STPG2: variants seen among roughly 807,000 people sequenced by gnomAD.
The protein encoded by STPG2 is sperm tail PG-rich repeat containing 2, also known as sperm-tail PG-rich repeat-containing protein 2.
In STPG2, 56 loss-of-function variants were observed where a neutral mutation model predicts 54.2. The observed-to-expected ratio is 1.03, with a 90% CI of 0.83 to 1.29. The LOEUF (loss-of-function observed/expected upper bound fraction) is 1.29, where lower values mean the gene tolerates loss of function less well. Ranked by LOEUF, STPG2 falls within the 50% of genes most tolerant of loss-of-function variation. The probability of loss-of-function intolerance (pLI) is 0.00; values close to 1 mark genes in which losing one functional copy is unlikely to be tolerated. For synonymous variants in STPG2, 200 were observed against 181.8 expected (o/e 1.10, Z -0.81); for missense variants, 596 against 544.9 (o/e 1.09, Z -0.93).
At chr4:97,639,356 A>AG (rs1056876575) in intron 10 of STPG2, among the ~76,000 whole-genome samples, 2 of 104,752 alleles carry the variant, frequency 1.9e-5, no homozygotes, top group African/African-American at 3.7e-5. Context: ...GGGTGGGTGG[A>AG]GGGGGGAGGG....
chr4:97,832,838 C>G (rs1470411624), intron 9 of STPG2, among the ~76,000 whole-genome samples: 2 of 152,058 alleles, frequency 1.3e-5, no homozygotes, highest in Non-Finnish European at 2.9e-5. Context: ...GTACTACAAA[C>G]CACTGCTCAA....
At chr4:97,915,322 A>T (rs1012761627) in intron 8 of STPG2, among the ~76,000 whole-genome samples, 1 of 152,192 alleles carries the variant, frequency 6.6e-6, no homozygotes, top group African/African-American at 2.4e-5. Flanking sequence ...TGTTTTACCC[A>T]ATCACTGCAT....
intron 5 of STPG2, among the ~76,000 whole-genome samples, chr4:98,015,191 C>T (rs566784570): frequency 6.6e-6 from 1 of 151,912 alleles, no homozygotes; most frequent in Admixed American, 6.6e-5. Context: ...GGCAACAAAA[C>T]CCAAAATAGA....
At chr4:98,035,583 A>G (rs1230905429) in intron 5 of STPG2, among the ~76,000 whole-genome samples, 1 of 152,204 alleles carries the variant, frequency 6.6e-6, no homozygotes, top group Non-Finnish European at 1.5e-5. Flanking sequence ...TGACCCAGCA[A>G]TCCAGTTACT....
At chr4:98,072,612 A>G (rs1362975021) in intron 5 of STPG2, among the ~76,000 whole-genome samples, 1 of 148,576 alleles carries the variant, frequency 6.7e-6, no homozygotes, top group African/African-American at 2.5e-5. Flanking sequence ...ATAAAATAAA[A>G]TAAAACAAAA....
intron 3 of STPG2, among the ~76,000 whole-genome samples, chr4:98,112,822 G>T (rs28412886): frequency 0.061 from 9,228 of 151,886 alleles, 307 homozygotes; most frequent in Middle Eastern, 0.095. Context: ...CAACCAAAAG[G>T]CAAATGTAAA....
intron 9 of STPG2, among the ~76,000 whole-genome samples, chr4:97,821,322 A>G (rs547842244): frequency 9.2e-5 from 14 of 152,302 alleles, no homozygotes; most frequent in African/African-American, 3.1e-4. Context: ...AACTGCAGTA[A>G]GGAGTGGGCT....
At chr4:97,900,651 T>A (rs1022807865) in intron 8 of STPG2, among the ~76,000 whole-genome samples, 1 of 152,034 alleles carries the variant, frequency 6.6e-6, no homozygotes, top group Non-Finnish European at 1.5e-5. Flanking sequence ...AGGCCATTAT[T>A]CTTACCAAAC....
chr4:97,610,910 A>T (rs571894905), intron 10 of STPG2, among the ~76,000 whole-genome samples: 1 of 152,096 alleles, frequency 6.6e-6, no homozygotes, highest in Non-Finnish European at 1.5e-5. Context: ...CTGGAACTAC[A>T]GTAAAATAAA....
intron 10 of STPG2, among the ~76,000 whole-genome samples, chr4:97,612,175 G>C (rs544902488): frequency 5.3e-5 from 8 of 151,128 alleles, no homozygotes; most frequent in Non-Finnish European, 1.2e-4. Context: ...ATTTAAGAAT[G>C]GCATCATTAT....
chr4:97,467,509 G>A (rs1191068556), intron 4 of STPG2, among the ~76,000 whole-genome samples: 1 of 151,728 alleles, frequency 6.6e-6, no homozygotes, highest in Non-Finnish European at 1.5e-5. Flanking sequence ...TATATAATGA[G>A]TTCAAGAATT....
At chr4:98,060,785 T>C (rs560056371) in intron 5 of STPG2, among the ~76,000 whole-genome samples, 50 of 152,108 alleles carry the variant, frequency 3.3e-4, no homozygotes, top group Non-Finnish European at 6.2e-4. Context: ...CACCTGATCT[T>C]CTGCAAAGCT....
intron 8 of STPG2, among the ~76,000 whole-genome samples, chr4:97,849,628 C>T (rs1729086362): frequency 2.0e-5 from 3 of 152,190 alleles, no homozygotes; most frequent in Admixed American, 6.5e-5. Context: ...ACAGACACTT[C>T]TCAAAGGTAG....
chr4:97,853,515 C>T (rs1729235491), intron 8 of STPG2, among the ~76,000 whole-genome samples: 1 of 152,080 alleles, frequency 6.6e-6, no homozygotes, highest in Non-Finnish European at 1.5e-5. Context: ...TTTTTAGTGA[C>T]ACTAAATGTT....
intron 9 of STPG2, among the ~76,000 whole-genome samples, chr4:97,746,913 A>G (rs893486717): frequency 6.6e-6 from 1 of 151,126 alleles, no homozygotes; most frequent in Non-Finnish European, 1.5e-5. Flanking sequence ...TGCCTTTCTA[A>G]TAGTAGACAC....
intron 9 of STPG2, among the ~76,000 whole-genome samples, chr4:97,784,690 A>C (rs1726767882): frequency 1.4e-5 from 2 of 139,820 alleles, no homozygotes; most frequent in Non-Finnish European, 3.1e-5. Context: ...CATGTTGCTT[A>C]ATATTACTAT....
chr4:98,088,073 G>C (rs1738576664), intron 5 of STPG2, among the ~76,000 whole-genome samples: 1 of 152,156 alleles, frequency 6.6e-6, no homozygotes, highest in Admixed American at 6.5e-5. Flanking sequence ...ACAAGAAAGT[G>C]AGCATTCAAG....
intron 10 of STPG2, among the ~76,000 whole-genome samples, chr4:97,616,092 A>G (rs10006993): frequency 0.017 from 1,055 of 63,276 alleles, 82 homozygotes; most frequent in East Asian, 0.079. Flanking sequence ...ATATATATAT[A>G]TATGTATGTA....
At chr4:97,756,117 T>TC (rs1725725439) in intron 9 of STPG2, among the ~76,000 whole-genome samples, 1 of 151,986 alleles carries the variant, frequency 6.6e-6, no homozygotes, top group Non-Finnish European at 1.5e-5. Context: ...CTCTTGTTCC[T>TC]CCCCCCAACT....
Sources: gnomAD v4.1 joint callset for allele counts (sites outside exome capture counted in the v4.1 genomes callset) on GRCh38, gnomAD v4.1.1 for gene constraint, MANE v1.5 for transcripts, NCBI Gene and HGNC (gene_info 2026-07-23, HGNC 2026-07-21) for gene names.